The following GLDC variants were observed in gnomAD, a reference collection of about 807,000 sequenced individuals.
GLDC encodes glycine dehydrogenase (decarboxylating), mitochondrial.
GLDC carries 104 observed loss-of-function variants against 121.3 expected under a neutral mutation model. That is an observed-to-expected ratio of 0.86 (90% confidence interval 0.73 to 1.01). GLDC has a LOEUF of 1.01. Among genes scored for constraint, GLDC ranks in the 50% least tolerant of loss-of-function variants. The pLI is 0.00. For missense variants in GLDC, 1,429 were observed against 1,306.6 expected, an observed-to-expected ratio of 1.09 and a Z score of -1.44; for synonymous variants, 546 against 480.6, an observed-to-expected ratio of 1.14 and a Z score of -1.78.
chr9:6,596,483 G>A (rs1406041997), intron 8 of GLDC, among the ~76,000 whole-genome samples: 5 of 152,180 alleles, frequency 3.3e-5, no homozygotes, highest in Non-Finnish European at 7.4e-5. Context: ...GCTCACGCCT[G>A]TAATCCCAAG....
intron 12 of GLDC, 75 bp downstream of exon 12, chr9:6,589,120 A>T: frequency 1.1e-6 from 1 of 916,104 alleles, no homozygotes; most frequent in Non-Finnish European, 1.8e-6. Flanking sequence ...AGGCGAAATC[A>T]GCAGCAGCAC....
At chr9:6,634,386 G>C (rs556558143) in intron 2 of GLDC, among the ~76,000 whole-genome samples, 1 of 151,924 alleles carries the variant, frequency 6.6e-6, no homozygotes, top group African/African-American at 2.4e-5. Context: ...AAATGTAGCC[G>C]GGCATGGTAG....
chr9:6,536,736 G>A (rs1287296293), intron 22 of GLDC, among the ~76,000 whole-genome samples: 1 of 152,066 alleles, frequency 6.6e-6, no homozygotes, highest in African/African-American at 2.4e-5. Context: ...CATGTATTAT[G>A]TGCAATTAAG....
chr9:6,636,890 C>T (rs757866544), intron 2 of GLDC, among the ~76,000 whole-genome samples: 4 of 151,808 alleles, frequency 2.6e-5, no homozygotes, highest in Non-Finnish European at 5.9e-5. Context: ...TCAAGACCAG[C>T]CTGACCAATA....
intron 15 of GLDC, among the ~76,000 whole-genome samples, chr9:6,582,769 C>T (rs562583208): frequency 7.3e-4 from 110 of 150,786 alleles, no homozygotes; most frequent in African/African-American, 2.6e-3. Context: ...GCGATCGTTG[C>T]AGTGAGCCGA....
At position 6,595,084 on chromosome 9, in the gene GLDC, G is replaced by A; in HGVS notation, c.1191C>T (p.Ile397=). ...LLANMAAMFA[I]YHGSHGLEHI... ...GCTCCAGCCCATGGGAACCATGGTAGATTGCAAACATGGCAGCCATATTCG... is the reference window on the plus strand; with the variant it reads ...GCTCCAGCCCATGGGAACCATGGTAAATTGCAAACATGGCAGCCATATTCG... Residue 397 remains isoleucine (I), a synonymous_variant, in exon 9 of 25, where the codon ATC becomes ATT. Transcript: ENST00000321612. 1 of 1,613,056 alleles carries A rather than the reference G, an allele frequency of 6.2e-7. No homozygotes were observed. Among genetic ancestry groups the A allele is most frequent in the Non-Finnish European group, 8.5e-7 (1 of 1,179,030 alleles).
intron 2 of GLDC, among the ~76,000 whole-genome samples, chr9:6,636,485 A>G (rs1020988610): frequency 6.6e-6 from 1 of 152,226 alleles, no homozygotes; most frequent in Non-Finnish European, 1.5e-5. Flanking sequence ...GCTCTAAAAA[A>G]TAAAGTTGGT....
intron 11 of GLDC, 31 bp from the exon 12 acceptor site, chr9:6,589,323 A>G (rs1159292549): frequency 7.3e-7 from 1 of 1,378,020 alleles, no homozygotes; most frequent in African/African-American, 1.4e-5. Context: ...TGATAGGGCC[A>G]GAACTGTGCC....
In GLDC at chr9:6,557,095, C is replaced by T. The variant is rs566285843; in HGVS notation, c.2053-793G>A. ...GATAGGAGGAGTAAGTTGTAGAGTT[C>T]TATACCACTGCAGGATGACTATATT... is the stretch of plus-strand genomic sequence containing the variant. On this transcript the variant is annotated intron_variant, in intron 17 of 24. Coordinates refer to ENST00000321612, the MANE Select transcript of GLDC (RefSeq NM_000170.3). 1.8e-3 allele frequency among the ~76,000 whole-genome samples: 275 copies of T among 152,256 alleles called. 1 individual carries two copies. Among genetic ancestry groups the T allele is most frequent in the Middle Eastern group, 6.8e-3 (2 of 294 alleles).
chr9:6,540,095 G>C lies in GLDC; in HGVS notation c.2621C>G (p.Ala874Gly). 2 of 1,613,534 alleles carry C rather than the reference G, an allele frequency of 1.2e-6. No homozygotes were observed. The highest frequency in any genetic ancestry group is 1.7e-4 in the Middle Eastern group (1 of 6,052). Reference sequence around the variant, plus strand: ...GGCCACATCCACAGCCTCAATATTTGCAGACTTTTTGAAGGGTCTCGTGTC... The same window carrying C: ...GGCCACATCCACAGCCTCAATATTTCCAGACTTTTTGAAGGGTCTCGTGTC... ...ILDTRPFKKS[A>G]NIEAVDVAKR... The change falls in exon 22 of 25, where the codon GCA becomes GGA. Residue 874 changes from alanine to glycine, a missense_variant. Coordinates refer to ENST00000321612, the MANE Select transcript of GLDC (RefSeq NM_000170.3).
intron 3 of GLDC, among the ~76,000 whole-genome samples, chr9:6,618,371 G>A (rs189743820): frequency 2.2e-4 from 33 of 152,204 alleles, no homozygotes; most frequent in African/African-American, 7.5e-4. Flanking sequence ...GCAATGCTGC[G>A]ATCTTGGCTC....
At position 6,594,976 on chromosome 9, in the gene GLDC, T is replaced by C. The variant is rs1401595489; in HGVS notation, c.1261+38A>G. 5 of 1,224,514 alleles carry C rather than the reference T, an allele frequency of 4.1e-6. No individual in the cohort carries two copies. In the Admixed American group the frequency reaches 6.7e-5, roughly 16 times the overall value. The allele number at this position is 1,224,514 out of a possible 1,614,324, so 75.9% of individuals were successfully genotyped here. ...CAATTTTACTCAAATTTATCAATTT[T>C]ATTATGCCCAAATGTTTTAGACAGA... On this transcript the variant is annotated intron_variant, in intron 9 of 24. Transcript: ENST00000321612.
intron 19 of GLDC, 33 bp downstream of exon 19, chr9:6,554,636 A>T (rs745786774): frequency 6.9e-7 from 1 of 1,456,078 alleles, no homozygotes; most frequent in African/African-American, 1.4e-5. Flanking sequence ...TCTGTCTCCA[A>T]AGCCATCCTG....
chr9:6,550,772 A>T, intron 21 of GLDC, 31 bp downstream of exon 21: 1 of 1,459,598 alleles, frequency 6.9e-7, no homozygotes, highest in Non-Finnish European at 9.6e-7. Flanking sequence ...GAAAAAAACC[A>T]AAGTAATGAT....
At chr9:6,555,427 A>G (rs1817604115) in intron 18 of GLDC, among the ~76,000 whole-genome samples, 1 of 152,090 alleles carries the variant, frequency 6.6e-6, no homozygotes, top group Non-Finnish European at 1.5e-5. Context: ...TCTCTGGATT[A>G]CACTTGTGAA....
At chr9:6,568,295 C>G (rs1817889880) in intron 15 of GLDC, among the ~76,000 whole-genome samples, 1 of 152,184 alleles carries the variant, frequency 6.6e-6, no homozygotes, top group African/African-American at 2.4e-5. Context: ...AGGATTACTA[C>G]TGGGGCATTA....
intron 2 of GLDC, among the ~76,000 whole-genome samples, chr9:6,626,670 T>G (rs1009654851): frequency 1.3e-5 from 2 of 152,236 alleles, no homozygotes; most frequent in African/African-American, 4.8e-5. Flanking sequence ...AAAGAGAGAT[T>G]TGAATTTTCC....
At position 6,618,653 on chromosome 9, in the gene GLDC, A is replaced by T. The variant is rs10123952; in HGVS notation, c.470+1531T>A. On this transcript the variant is annotated intron_variant, in intron 3 of 24. Transcript: ENST00000321612. ...CAGCAAACAGCAATGGAAAACAACA[A>T]AATAGCATGGAAGTGGACTAGAAGT... Among the ~76,000 whole-genome samples the T allele has an allele frequency of 3.4e-3, 513 of 152,332 alleles. 3 individuals are homozygous for T. Among genetic ancestry groups the T allele is most frequent in the African/African-American group, 0.012 (490 of 41,574 alleles).
intron 7 of GLDC, among the ~76,000 whole-genome samples, chr9:6,603,195 T>C (rs2129889604): frequency 6.6e-6 from 1 of 150,596 alleles, no homozygotes. Context: ...ACCACTGCAC[T>C]CCAGCCTGGG....
Sources: allele counts gnomAD v4.1 joint callset (sites outside exome capture counted in the v4.1 genomes callset), GRCh38; gene constraint gnomAD v4.1.1; transcripts MANE v1.5; gene names NCBI Gene and HGNC (gene_info 2026-07-23, HGNC 2026-07-21).